Variants in SLC12A3 observed in about 807,000 individuals in gnomAD.
The protein encoded by SLC12A3 is Na-Cl cotransporter.
SLC12A3 carries 104 observed loss-of-function variants against 121.0 expected under a neutral mutation model. That is an observed-to-expected ratio of 0.86 (90% CI 0.73 to 1.01). SLC12A3 has a LOEUF of 1.01. Ranked by LOEUF, SLC12A3 falls within the 50% of genes least tolerant of loss-of-function variation. The probability of loss-of-function intolerance (pLI) is 0.00; values close to 1 mark genes in which losing one functional copy is unlikely to be tolerated. For synonymous variants in SLC12A3, 536 were observed against 533.4 expected (o/e 1.00, Z -0.07); for missense variants, 1,328 against 1,356.3 (o/e 0.98, Z 0.33).
At chr16:56,896,861 G>C (rs1035252319) in intron 22 of SLC12A3, among the ~76,000 whole-genome samples, 1 of 152,186 alleles carries the variant, frequency 6.6e-6, no homozygotes. Context: ...GGAGACCAAG[G>C]TGGGTGAATC....
At chr16:56,899,994 G>A (rs2055516924) in intron 23 of SLC12A3, among the ~76,000 whole-genome samples, 1 of 152,208 alleles carries the variant, frequency 6.6e-6, no homozygotes, top group African/African-American at 2.4e-5. Context: ...AGCAGGGACT[G>A]TTTGCTTTCC....
intron 19 of SLC12A3, 122 bp downstream of exon 19, chr16:56,890,478 G>A (rs1429530719): frequency 1.3e-6 from 1 of 790,240 alleles, no homozygotes; most frequent in African/African-American, 1.7e-5. Flanking sequence ...GCCTCTTAAT[G>A]GTCCCTTAGA....
intron 24 of SLC12A3, 131 bp downstream of exon 24, chr16:56,902,639 T>TA: frequency 8.8e-7 from 1 of 1,137,792 alleles, no homozygotes; most frequent in Non-Finnish European, 1.3e-6. Context: ...CCCTGAGGTA[T>TA]CCTCAAGCCA....
chr16:56,912,079 C>A (rs2055693695), intron 25 of SLC12A3, among the ~76,000 whole-genome samples: 1 of 152,284 alleles, frequency 6.6e-6, no homozygotes, highest in South Asian at 2.1e-4. Flanking sequence ...TCCTCCCGCC[C>A]CAGTTCTCCC....
Position 56,888,007 on chromosome 16 carries a change from T to C in SLC12A3, c.2261T>C (p.Val754Ala). 1 of 1,611,336 alleles carries C rather than the reference T, an allele frequency of 6.2e-7. No individual in the cohort carries two copies. Among genetic ancestry groups the C allele is most frequent in the Non-Finnish European group, 8.5e-7 (1 of 1,178,280 alleles). ...TGGCAGTCGGCTCACCCGGCCACAG[T>C]GGAAGACTACATTGGCATCCTCCAG... ...KNWQSAHPAT[V>A]EDYIGILHDA... Residue 754 changes from valine (V) to alanine (A), a missense_variant, in exon 18 of 26, where the codon GTG (valine) becomes GCG (alanine). Coordinates refer to ENST00000563236, the MANE Select transcript of SLC12A3 (RefSeq NM_001126108.2).
At chr16:56,894,907 T>A (rs1434985182) in intron 22 of SLC12A3, among the ~76,000 whole-genome samples, 1 of 151,198 alleles carries the variant, frequency 6.6e-6, no homozygotes, top group African/African-American at 2.4e-5. Flanking sequence ...GGGAGGGGAG[T>A]TAGGTTGTAA....
intron 25 of SLC12A3, among the ~76,000 whole-genome samples, chr16:56,908,403 C>T (rs559501142): frequency 1.3e-5 from 2 of 152,064 alleles, no homozygotes; most frequent in Admixed American, 1.3e-4. Flanking sequence ...CCTCAGCCTC[C>T]CAAAGTGCTG....
At chr16:56,887,684 C>A (rs993258461) in intron 17 of SLC12A3, among the ~76,000 whole-genome samples, 1 of 149,128 alleles carries the variant, frequency 6.7e-6, no homozygotes. Context: ...GAACTAGAAT[C>A]GAGGATTCTG....
At chr16:56,876,986 C>A (rs898642030) in intron 8 of SLC12A3, among the ~76,000 whole-genome samples, 1 of 152,216 alleles carries the variant, frequency 6.6e-6, no homozygotes, top group Non-Finnish European at 1.5e-5. Context: ...CCTCAGTTTC[C>A]CCACCAGCTG....
At chr16:56,886,324 C>T in intron 15 of SLC12A3, 40 bp from the exon 16 acceptor site, 1 of 1,508,464 alleles carries the variant, frequency 6.6e-7, no homozygotes, top group African/African-American at 1.4e-5. Context: ...CCCGTGGGCT[C>T]TCTCCTGATG....
rs1256131396 is a variant in SLC12A3, at chr16:56,915,539, G to A, written c.*2134G>A. The A allele has an allele frequency of 6.6e-6, 1 of 152,236 alleles. No homozygotes were observed. The highest frequency in any genetic ancestry group is 1.5e-5 in the Non-Finnish European group (1 of 68,048). The allele number at this position is 152,236 out of a possible 1,614,324, so 9.4% of individuals were successfully genotyped here. A position where few individuals can be genotyped will look rare whatever the true frequency, so the allele number is the denominator to read the frequency against. On this transcript the variant is annotated 3_prime_UTR_variant, in exon 26 of 26. Coordinates refer to ENST00000563236, the MANE Select transcript of SLC12A3 (RefSeq NM_001126108.2). ...CGTGCTCCTGAGGGACCTGGAGGAT[G>A]GGCCTGCCTCCCAGCCATTGAGCTG...
At chr16:56,894,678 G>A (rs373763107) in intron 22 of SLC12A3, 36 bp downstream of exon 22, 75 of 1,506,774 alleles carry the variant, frequency 5.0e-5, no homozygotes, top group Non-Finnish European at 6.6e-5. Flanking sequence ...GTGACTGCAG[G>A]GACCAGTGTC....
At chr16:56,901,308 C>T (rs1413502443) in intron 23 of SLC12A3, among the ~76,000 whole-genome samples, 2 of 150,750 alleles carry the variant, frequency 1.3e-5, no homozygotes, top group African/African-American at 4.9e-5. Flanking sequence ...CTTCAGATAG[C>T]ATCATCTGAA....
intron 19 of SLC12A3, 44 bp downstream of exon 19, chr16:56,890,400 T>A: frequency 6.5e-7 from 1 of 1,549,238 alleles, no homozygotes; most frequent in East Asian, 2.2e-5. Context: ...CTAGAACACA[T>A]TTTTTGTTTT....
At chr16:56,874,312 T>C (rs1225768320) in intron 8 of SLC12A3, among the ~76,000 whole-genome samples, 1 of 152,162 alleles carries the variant, frequency 6.6e-6, no homozygotes, top group Non-Finnish European at 1.5e-5. Flanking sequence ...GCAGAATTTC[T>C]GGGTGCAGGA....
chr16:56,900,086 C>T (rs1055960526), intron 23 of SLC12A3, among the ~76,000 whole-genome samples: 1 of 152,254 alleles, frequency 6.6e-6, no homozygotes, highest in South Asian at 2.1e-4. Flanking sequence ...GTGAGGTTTT[C>T]CAGGACTGTC....
At chr16:56,913,155 G>A in intron 25 of SLC12A3, 109 bp from the exon 26 acceptor site, 1 of 1,430,930 alleles carries the variant, frequency 7.0e-7, no homozygotes, top group Non-Finnish European at 9.8e-7. Context: ...GGTGGAAGGA[G>A]CTCTGAGGGA....
intron 23 of SLC12A3, among the ~76,000 whole-genome samples, chr16:56,901,775 C>G (rs764445081): frequency 2.6e-5 from 4 of 152,214 alleles, no homozygotes; most frequent in Non-Finnish European, 5.9e-5. Flanking sequence ...CTCACCTCCT[C>G]CCACCCTTCC....
At chr16:56,884,722 G>A (rs1330902228) in intron 14 of SLC12A3, among the ~76,000 whole-genome samples, 3 of 152,170 alleles carry the variant, frequency 2.0e-5, no homozygotes, top group East Asian at 1.9e-4. Flanking sequence ...CATTGCAAAG[G>A]TTTGGCAAGG....
Sources: allele counts gnomAD v4.1 joint callset (sites outside exome capture counted in the v4.1 genomes callset), GRCh38; gene constraint gnomAD v4.1.1; transcripts MANE v1.5; gene names NCBI Gene and HGNC (gene_info 2026-07-23, HGNC 2026-07-21).